Variants in SCRG1 observed in about 807,000 individuals in gnomAD.
SCRG1 encodes the protein scrapie-responsive protein 1.
SCRG1 carries 3 observed loss-of-function variants against 7.7 expected under a neutral mutation model. The observed-to-expected ratio is 0.39, with a 90% CI of 0.18 to 1.01. SCRG1 has a LOEUF of 1.01. SCRG1 is among the 50% of genes least tolerant of loss of function. The pLI is 0.36. For synonymous variants in SCRG1, 46 were observed against 41.2 expected (o/e 1.12, Z -0.44); for missense variants, 110 against 117.2 (o/e 0.94, Z 0.28).
At chr4:173,479,543 C>T in the SCRG1 span, among the ~76,000 whole-genome samples, 1 of 149,320 alleles carries the variant, frequency 6.7e-6, no homozygotes, top group Admixed American at 6.8e-5. Flanking sequence ...TGGGTTCAAG[C>T]GATTCTCCTG....
the SCRG1 span, among the ~76,000 whole-genome samples, chr4:173,513,675 A>G: frequency 6.6e-6 from 1 of 152,226 alleles, no homozygotes; most frequent in East Asian, 1.9e-4. Flanking sequence ...CACCTTGCCC[A>G]AATTGTATTT....
the SCRG1 span, among the ~76,000 whole-genome samples, chr4:173,502,273 G>T: frequency 1.1e-4 from 17 of 152,216 alleles, no homozygotes; most frequent in East Asian, 2.3e-3. This position sits in a 1 kb window ranked among gnomAD's most constrained non-coding sequence, Gnocchi z 4.6. Flanking sequence ...CATGGTCCGC[G>T]AATGGAAGAA....
At chr4:173,518,175 T>A in the SCRG1 span, among the ~76,000 whole-genome samples, 1 of 152,164 alleles carries the variant, frequency 6.6e-6, no homozygotes, top group African/African-American at 2.4e-5. Flanking sequence ...GTTCCACAGT[T>A]AAAGAGGACC....
the SCRG1 span, among the ~76,000 whole-genome samples, chr4:173,493,834 G>A: frequency 1.3e-5 from 2 of 152,092 alleles, no homozygotes; most frequent in Non-Finnish European, 2.9e-5. Context: ...CATGTGGATG[G>A]CCACATTTTT....
intron 1 of SCRG1, among the ~76,000 whole-genome samples, chr4:173,396,103 G>A (rs1254153343): frequency 6.6e-6 from 1 of 152,188 alleles, no homozygotes; most frequent in Non-Finnish European, 1.5e-5. Context: ...AAGAGGGAAA[G>A]AATCAAGGAT....
chr4:173,483,751 G>GATATA, the SCRG1 span, among the ~76,000 whole-genome samples: 85 of 3,442 alleles, frequency 0.025, 33 homozygotes, highest in Admixed American at 0.036. Context: ...TATATTATAT[G>GATATA]TGATATATCA....
chr4:173,454,419 T>A, the SCRG1 span, among the ~76,000 whole-genome samples: 1 of 152,016 alleles, frequency 6.6e-6, no homozygotes, highest in African/African-American at 2.4e-5. Flanking sequence ...GAAGGGAAGG[T>A]ATTGCAGGGG....
the SCRG1 span, among the ~76,000 whole-genome samples, chr4:173,492,438 C>CA: frequency 6.6e-6 from 1 of 151,972 alleles, no homozygotes; most frequent in African/African-American, 2.4e-5. Context: ...GCCATCTAAA[C>CA]ACCTGCAGAG....
chr4:173,494,060 G>T, the SCRG1 span, among the ~76,000 whole-genome samples: 1 of 152,116 alleles, frequency 6.6e-6, no homozygotes, highest in African/African-American at 2.4e-5. Flanking sequence ...CCTCAAAGCC[G>T]CCCTTTTACA....
chr4:173,499,171 A>T, the SCRG1 span, among the ~76,000 whole-genome samples: 2 of 152,202 alleles, frequency 1.3e-5, no homozygotes, highest in South Asian at 4.1e-4. This position sits in a 1 kb window ranked among gnomAD's most constrained non-coding sequence, Gnocchi z 4.1. Flanking sequence ...AAAGGAGTCC[A>T]TTTAATCGAA....
chr4:173,444,340 A>G, the SCRG1 span, among the ~76,000 whole-genome samples: 2 of 152,146 alleles, frequency 1.3e-5, no homozygotes, highest in Non-Finnish European at 2.9e-5. Flanking sequence ...GTCATCATCT[A>G]TTCTTCCCTG....
At chr4:173,510,636 C>T in the SCRG1 span, among the ~76,000 whole-genome samples, 2 of 152,022 alleles carry the variant, frequency 1.3e-5, no homozygotes, top group African/African-American at 4.8e-5. The surrounding 1 kb of genome is among the most constrained non-coding windows in gnomAD (Gnocchi z 5.7). Context: ...GATCTAGCAA[C>T]TTCCCTCCCC....
chr4:173,451,636 TTATTTATTTATTTA>T, the SCRG1 span, among the ~76,000 whole-genome samples: 1 of 18,502 alleles, frequency 5.4e-5, no homozygotes, highest in African/African-American at 9.7e-5. Context: ...CTTACTTATT[TTATTTATTTATTTA>T]TTTATTTATT....
the SCRG1 span, among the ~76,000 whole-genome samples, chr4:173,484,466 ATAATATATAAT>A: frequency 1.5e-4 from 3 of 20,656 alleles, 1 homozygote; most frequent in African/African-American, 2.4e-4. Context: ...TTATATACAT[ATAATATATAAT>A]ATATATTATA....
the SCRG1 span, among the ~76,000 whole-genome samples, chr4:173,484,393 CATTATATATTATATACAT>C: frequency 3.8e-5 from 1 of 26,530 alleles, no homozygotes; most frequent in Non-Finnish European, 6.4e-5. Context: ...ATATTTTATA[CATTATATATTATATACAT>C]ATAATATATA....
the SCRG1 span, among the ~76,000 whole-genome samples, chr4:173,483,746 T>C: frequency 4.5e-3 from 22 of 4,898 alleles, 8 homozygotes; most frequent in African/African-American, 8.6e-3. Context: ...TATGATATAT[T>C]ATATGTGATA....
chr4:173,409,986 G>A (rs1190617521), upstream of SCRG1, among the ~76,000 whole-genome samples: 2 of 152,176 alleles, frequency 1.3e-5, no homozygotes, highest in Admixed American at 6.5e-5. Context: ...GTTCTTTTCA[G>A]TATCCCCCTG....
At chr4:173,450,449 G>C in the SCRG1 span, among the ~76,000 whole-genome samples, 1 of 152,170 alleles carries the variant, frequency 6.6e-6, no homozygotes, top group Non-Finnish European at 1.5e-5. Flanking sequence ...ATATCTTAGA[G>C]AGCCTTTCTG....
chr4:173,485,077 T>C, the SCRG1 span, among the ~76,000 whole-genome samples: 12 of 8,918 alleles, frequency 1.3e-3, 4 homozygotes, highest in African/African-American at 3.3e-3. Flanking sequence ...TATTATATAT[T>C]ATATAATATA....
Sources: allele counts gnomAD v4.1 joint callset (sites outside exome capture counted in the v4.1 genomes callset), GRCh38; gene constraint gnomAD v4.1.1; non-coding constraint Gnocchi (gnomAD v3.1); transcripts MANE v1.5; gene names NCBI Gene and HGNC (gene_info 2026-07-23, HGNC 2026-07-21).